ZCRB1: variants seen among roughly 807,000 people sequenced by gnomAD.
ZCRB1 encodes zinc finger CCHC-type and RNA binding motif containing 1.
In ZCRB1, 21 loss-of-function variants were observed where a neutral mutation model predicts 29.9. The ratio of observed to expected loss-of-function variants is 0.70; its 90% CI spans 0.50 to 1.01. The LOEUF (loss-of-function observed/expected upper bound fraction) is 1.01. Ranked by LOEUF, ZCRB1 falls within the 50% of genes least tolerant of loss-of-function variation. The pLI is 0.00. For synonymous variants in ZCRB1, 77 were observed against 80.0 expected, an observed-to-expected ratio of 0.96 and a Z score of 0.20; for missense variants, 204 against 253.3, an observed-to-expected ratio of 0.81 and a Z score of 1.32.
intron 3 of ZCRB1, 87 bp downstream of exon 3, chr12:42,322,331 T>G: frequency 8.0e-7 from 1 of 1,244,720 alleles, no homozygotes; most frequent in Non-Finnish European, 1.1e-6. Flanking sequence ...GCATGTTTTA[T>G]TTTTAAAAAT....
chr12:42,315,380 A>G (rs1457167414), intron 5 of ZCRB1, among the ~76,000 whole-genome samples: 3 of 152,202 alleles, frequency 2.0e-5, no homozygotes, highest in African/African-American at 7.2e-5. Context: ...TTTCCAGTAT[A>G]TTTGACAGAG....
chr12:42,320,946 T>C lies in ZCRB1; in HGVS notation c.113+1472A>G, dbSNP rs1183266718. 4.6e-5 allele frequency among the ~76,000 whole-genome samples: 7 copies of C among 152,236 alleles called. No individual in the cohort carries two copies. The East Asian group carries it at 1.3e-3, about 29-fold the overall frequency. ...TTCCATCTCTGGAGCCACCTTGTGC[T>C]TTCTCCCCCTTACTCACTCATCTCC... On this transcript the variant is annotated intron_variant, in intron 3 of 7. Transcript: ENST00000266529.
chr12:42,323,337 T>C (rs183497035), intron 2 of ZCRB1, among the ~76,000 whole-genome samples: 5 of 152,316 alleles, frequency 3.3e-5, no homozygotes, highest in Non-Finnish European at 5.9e-5. Flanking sequence ...AAATAGGTCG[T>C]ATAAGGCACC....
chr12:42,323,990 A>G (rs1416250864), intron 2 of ZCRB1, 29 bp downstream of exon 2: 1 of 1,575,046 alleles, frequency 6.3e-7, no homozygotes, highest in East Asian at 2.2e-5. Context: ...TGTATCTCAA[A>G]TAGCAGTCAC....
rs900784513 is a variant in ZCRB1 at position 42,325,985 on chromosome 12, A to C, written c.-64T>G. The C allele has an allele frequency of 6.6e-6, 1 of 152,368 alleles. No homozygotes were observed. Among genetic ancestry groups the C allele is most frequent in the African/African-American group, 2.4e-5 (1 of 41,474 alleles). 9.4% of individuals were successfully genotyped at this position (152,368 alleles called of 1,614,324 possible). A position where few individuals can be genotyped will look rare whatever the true frequency, so the allele number is the denominator to read the frequency against. ...CGAGCCCTCGGCTCAGCTGGGGCTC[A>C]ACCCCGACTCTTCGTAGCCGCTCGC... On this transcript the variant is annotated 5_prime_UTR_variant, in exon 1 of 8. The change abolishes the stop of an existing upstream ORF in the 5' untranslated region. Transcript: ENST00000266529.
In ZCRB1 at chr12:42,317,593, G is replaced by C. The variant is rs903756396; in HGVS notation, c.226-146C>G. ...TAGGTGTGATAAATTCTATTCTGTA[G>C]TATTCTTATTCCTGAGATTCCACCA... On this transcript the variant is annotated intron_variant, in intron 4 of 7. Coordinates refer to ENST00000266529, the MANE Select transcript of ZCRB1 (RefSeq NM_033114.4). The C allele has an allele frequency of 6.1e-6, 5 of 822,876 alleles. No individual in the cohort carries two copies. The Admixed American group carries it at 1.5e-4, about 24-fold the overall frequency. 51.0% of individuals were successfully genotyped at this position (822,876 alleles called of 1,614,324 possible).
intron 1 of ZCRB1, among the ~76,000 whole-genome samples, chr12:42,324,444 G>A (rs1265149168): frequency 1.3e-5 from 2 of 152,048 alleles, no homozygotes; most frequent in Non-Finnish European, 2.9e-5. Context: ...CACCACACCT[G>A]GCCTAAACCA....
rs1422229185 is a variant in ZCRB1 at position 42,312,303 on chromosome 12, CATAAAT to C, written c.*758_*763del. ...TGCAGACAGAATGGGAAGATTTAGT[CATAAAT>C]ACAAAGACAATACATGGAAAAAAAA... On this transcript the variant is annotated 3_prime_UTR_variant, in exon 8 of 8. Transcript: ENST00000266529. The C allele has an allele frequency of 6.6e-6, 1 of 151,836 alleles. No individual in the cohort carries two copies. Among genetic ancestry groups the C allele is most frequent in the Non-Finnish European group, 1.5e-5 (1 of 67,970 alleles). The allele number at this position is 151,836 out of a possible 1,614,324, so 9.4% of individuals were successfully genotyped here. A position where few individuals can be genotyped will look rare whatever the true frequency, so the allele number is the denominator to read the frequency against.
At chr12:42,323,373 CCT>C (rs1022360627) in intron 2 of ZCRB1, among the ~76,000 whole-genome samples, 4 of 152,054 alleles carry the variant, frequency 2.6e-5, no homozygotes, top group East Asian at 1.9e-4. Flanking sequence ...TAAGATTACC[CCT>C]CTTTTTCTGA....
intron 4 of ZCRB1, 73 bp from the exon 5 acceptor site, chr12:42,317,520 T>G (rs1418836637): frequency 8.0e-7 from 1 of 1,252,476 alleles, no homozygotes; most frequent in Non-Finnish European, 1.1e-6. Context: ...ATCAATTTTC[T>G]CAAATCTTCA....
intron 1 of ZCRB1, 163 bp downstream of exon 1, chr12:42,325,761 T>C (rs776896312): frequency 6.6e-6 from 1 of 152,250 alleles, no homozygotes; most frequent in Non-Finnish European, 1.5e-5. Flanking sequence ...AGTTTCTCAT[T>C]TGAAACTATG....
chr12:42,317,284 G>T (rs1402119535), intron 5 of ZCRB1, 56 bp downstream of exon 5: 160 of 1,257,792 alleles, frequency 1.3e-4, no homozygotes, highest in Non-Finnish European at 1.7e-4. Context: ...ATAAAAGACT[G>T]ATGTGAAAAG....
chr12:42,324,503 T>C lies in ZCRB1; in HGVS notation c.-2-399A>G, dbSNP rs2068651963. ...CCAATACATCAGACCAGTCTGGGTATTATTTGGAAAAAAACAAAAAACAAA... is the reference window on the plus strand; with the variant it reads ...CCAATACATCAGACCAGTCTGGGTACTATTTGGAAAAAAACAAAAAACAAA... On this transcript the variant is annotated intron_variant, in intron 1 of 7. Transcript: ENST00000266529. Among the ~76,000 whole-genome samples, 3 of 152,108 alleles carry C rather than the reference T, an allele frequency of 2.0e-5. No homozygotes were observed. In the South Asian group the frequency reaches 6.2e-4, roughly 32 times the overall value.
chr12:42,319,236 G>C (rs1289242142), intron 3 of ZCRB1, among the ~76,000 whole-genome samples: 2 of 152,002 alleles, frequency 1.3e-5, no homozygotes, highest in East Asian at 3.9e-4. Flanking sequence ...CTTGTCCATA[G>C]GGGCATTACT....
chr12:42,323,498 C>G (rs942816658), intron 2 of ZCRB1, among the ~76,000 whole-genome samples: 5 of 152,176 alleles, frequency 3.3e-5, no homozygotes, highest in Non-Finnish European at 7.4e-5. Context: ...AATTTCACTT[C>G]CATTCCCAAC....
chr12:42,324,699 T>G (rs1212656499), intron 1 of ZCRB1, among the ~76,000 whole-genome samples: 4 of 152,256 alleles, frequency 2.6e-5, no homozygotes, highest in Admixed American at 6.5e-5. Context: ...TCAAGTATTC[T>G]TTATACCAAC....
At position 42,312,511 on chromosome 12, in the gene ZCRB1, C is replaced by T. The variant is rs2068574511; in HGVS notation, c.*556G>A. 1 of 151,972 alleles carries T rather than the reference C, an allele frequency of 6.6e-6. No individual in the cohort carries two copies. Among genetic ancestry groups the T allele is most frequent in the Non-Finnish European group, 1.5e-5 (1 of 67,954 alleles). 9.4% of individuals were successfully genotyped at this position (151,972 alleles called of 1,614,324 possible). ...AAGTATAAGAGATTGAATAATTCTC[C>T]TTTATTCTTTTATTAAGTGACTGAA... On this transcript the variant is annotated 3_prime_UTR_variant, in exon 8 of 8. Coordinates refer to ENST00000266529, the MANE Select transcript of ZCRB1 (RefSeq NM_033114.4).
intron 7 of ZCRB1, 33 bp from the exon 8 acceptor site, chr12:42,313,231 C>A: frequency 1.3e-6 from 2 of 1,589,386 alleles, no homozygotes; most frequent in Non-Finnish European, 1.7e-6. Flanking sequence ...AAACCAATAA[C>A]CTGTTTAATA....
At chr12:42,319,279 T>C (rs768819967) in intron 3 of ZCRB1, among the ~76,000 whole-genome samples, 6 of 152,204 alleles carry the variant, frequency 3.9e-5, no homozygotes, top group Admixed American at 2.0e-4. Flanking sequence ...GGTTCCTTTA[T>C]GGTAATTTTT....
Sources: allele counts gnomAD v4.1 joint callset (sites outside exome capture counted in the v4.1 genomes callset), GRCh38; gene constraint gnomAD v4.1.1; transcripts MANE v1.5; gene names NCBI Gene and HGNC (gene_info 2026-07-23, HGNC 2026-07-21).